GRM7: variants seen among roughly 807,000 people sequenced by gnomAD.
The protein encoded by GRM7 is glutamate metabotropic receptor 7.
GRM7 carries 35 observed loss-of-function variants against 84.5 expected under a neutral mutation model. The observed-to-expected ratio is 0.41, with a 90% confidence interval of 0.32 to 0.55. The LOEUF (loss-of-function observed/expected upper bound fraction) is 0.55, where lower values mean the gene tolerates loss of function less well. GRM7 is among the 20% of genes least tolerant of loss of function. The pLI is 0.19. For synonymous variants in GRM7, 487 were observed against 455.1 expected (o/e 1.07, Z -0.89); for missense variants, 1,003 against 1,194.6 (o/e 0.84, Z 2.36).
chr3:7,652,237 C>A (rs1698978032), intron 8 of GRM7, among the ~76,000 whole-genome samples: 1 of 152,124 alleles, frequency 6.6e-6, no homozygotes. Context: ...AGCCAAGACA[C>A]AGGTAAAAAC....
intron 9 of GRM7, among the ~76,000 whole-genome samples, chr3:7,690,756 G>T (rs1022709102): frequency 2.2e-4 from 33 of 152,166 alleles, no homozygotes; most frequent in African/African-American, 7.0e-4. Context: ...AATAGTTATA[G>T]ATTCTAATTT....
intron 4 of GRM7, among the ~76,000 whole-genome samples, chr3:7,407,968 A>T (rs1695753696): frequency 6.6e-5 from 10 of 152,232 alleles, no homozygotes; most frequent in Non-Finnish European, 1.5e-4. Flanking sequence ...CATGCTGGAC[A>T]CTGTTCTAAA....
chr3:7,460,179 A>G (rs1433293749), intron 6 of GRM7, among the ~76,000 whole-genome samples: 3 of 151,418 alleles, frequency 2.0e-5, no homozygotes, highest in African/African-American at 7.3e-5. Context: ...GTCCCCACAC[A>G]AACAACTAAC....
At chr3:6,906,845 G>C (rs1273952905) in intron 1 of GRM7, among the ~76,000 whole-genome samples, 1 of 151,964 alleles carries the variant, frequency 6.6e-6, no homozygotes, top group Non-Finnish European at 1.5e-5. Flanking sequence ...TTTTTACCTT[G>C]ATGCAGTTTT....
intron 5 of GRM7, among the ~76,000 whole-genome samples, chr3:7,440,722 C>T (rs1345350486): frequency 6.6e-6 from 1 of 152,048 alleles, no homozygotes; most frequent in African/African-American, 2.4e-5. Flanking sequence ...TGTAGCTCCC[C>T]CTTATAAGTG....
At chr3:7,542,749 C>T (rs977808474) in intron 7 of GRM7, among the ~76,000 whole-genome samples, 3 of 152,062 alleles carry the variant, frequency 2.0e-5, no homozygotes, top group East Asian at 2.0e-4. Context: ...GTTTTCACCA[C>T]GTTGGCCAGG....
chr3:6,936,023 C>T (rs1697680545), intron 1 of GRM7, among the ~76,000 whole-genome samples: 1 of 152,004 alleles, frequency 6.6e-6, no homozygotes, highest in Non-Finnish European at 1.5e-5. Flanking sequence ...CTTTCTGTTT[C>T]TAATGTGCTT....
In GRM7 at chr3:7,458,385, A is replaced by G. The variant is rs576200827; in HGVS notation, c.1376-3198A>G. Among the ~76,000 whole-genome samples, 12 of 152,300 alleles carry G rather than the reference A, an allele frequency of 7.9e-5. No homozygotes were observed. In the East Asian group the frequency reaches 1.9e-3, roughly 24 times the overall value. ...TGGACTTTTTTAAAATATAGAGTTC[A>G]TTGAACACAATGCTTCTTATTCTGT... On this transcript the variant is annotated intron_variant, in intron 6 of 9. Transcript: ENST00000357716.
intron 4 of GRM7, among the ~76,000 whole-genome samples, chr3:7,358,643 G>A (rs527565107): frequency 6.7e-6 from 1 of 148,260 alleles, no homozygotes; most frequent in South Asian, 2.1e-4. Context: ...TATGTTACTG[G>A]GATCTCTTTT....
chr3:7,685,073 A>C (rs902591978), intron 9 of GRM7, among the ~76,000 whole-genome samples: 3 of 152,172 alleles, frequency 2.0e-5, no homozygotes, highest in Non-Finnish European at 4.4e-5. Flanking sequence ...TGTTCATGGC[A>C]AACTTGTAGA....
intron 2 of GRM7, among the ~76,000 whole-genome samples, chr3:7,277,425 A>G (rs1440960669): frequency 2.0e-5 from 3 of 152,010 alleles, no homozygotes; most frequent in Admixed American, 6.6e-5. Flanking sequence ...ACCAATCAGA[A>G]GTGGCATGGG....
intron 2 of GRM7, among the ~76,000 whole-genome samples, chr3:7,150,241 C>T (rs1026359680): frequency 1.3e-5 from 2 of 152,026 alleles, no homozygotes; most frequent in African/African-American, 4.8e-5. Context: ...AATGGCCTCA[C>T]CCTTTTAAAA....
At chr3:7,207,950 C>T (rs145419730) in intron 2 of GRM7, among the ~76,000 whole-genome samples, 94 of 152,142 alleles carry the variant, frequency 6.2e-4, no homozygotes, top group Non-Finnish European at 8.8e-4. Context: ...AATGAAATGT[C>T]GGAGGCACAA....
rs555549746 is a variant in GRM7, at chr3:7,017,123, A to G, written c.520-129329A>G. The stretch of plus-strand genomic sequence containing the variant: ...TATTGCTGTCTCTAAGAAGACTTCC[A>G]GTCATAGAATAATTCTAAATTCTGT... On this transcript the variant is annotated intron_variant, in intron 1 of 9. Transcript: ENST00000357716. Among the ~76,000 whole-genome samples, 261 of 152,334 alleles carry G rather than the reference A, an allele frequency of 1.7e-3. 1 individual carries two copies. The highest frequency in any genetic ancestry group is 6.8e-3 in the Middle Eastern group (2 of 294).
chr3:7,472,970 A>G (rs1698763419), intron 7 of GRM7, among the ~76,000 whole-genome samples: 1 of 152,198 alleles, frequency 6.6e-6, no homozygotes, highest in Non-Finnish European at 1.5e-5. Context: ...CAAAAAGGTA[A>G]ACATAAGGTG....
intron 2 of GRM7, among the ~76,000 whole-genome samples, chr3:7,220,973 G>C (rs1696781601): frequency 6.6e-6 from 1 of 151,980 alleles, no homozygotes; most frequent in Admixed American, 6.6e-5. Context: ...ACACACCTGT[G>C]TTCCCAGCTA....
intron 2 of GRM7, among the ~76,000 whole-genome samples, chr3:7,262,847 G>A (rs1266690280): frequency 6.6e-6 from 1 of 152,208 alleles, no homozygotes; most frequent in Non-Finnish European, 1.5e-5. Flanking sequence ...ACAGGCATGT[G>A]CCACTGCACC....
chr3:7,521,849 T>C (rs950102101), intron 7 of GRM7, among the ~76,000 whole-genome samples: 1 of 152,140 alleles, frequency 6.6e-6, no homozygotes. Flanking sequence ...TCACCACTTT[T>C]CTGCATGCAA....
At chr3:7,078,953 C>T (rs1349164802) in intron 1 of GRM7, among the ~76,000 whole-genome samples, 1 of 151,014 alleles carries the variant, frequency 6.6e-6, no homozygotes, top group Non-Finnish European at 1.5e-5. Context: ...ATAAGAAATA[C>T]AATATCGTTT....
Sources: gnomAD v4.1 joint callset for allele counts (sites outside exome capture counted in the v4.1 genomes callset) on GRCh38, gnomAD v4.1.1 for gene constraint, MANE v1.5 for transcripts, NCBI Gene and HGNC (gene_info 2026-07-23, HGNC 2026-07-21) for gene names.